Variants in CERT1 observed in about 807,000 individuals in gnomAD.
CERT1 encodes ceramide transfer protein.
A neutral mutation model predicts 87.9 loss-of-function variants in CERT1; 31 were observed. The ratio of observed to expected loss-of-function variants is 0.35; its 90% CI spans 0.27 to 0.48. The LOEUF (loss-of-function observed/expected upper bound fraction) is 0.48, where lower values mean the gene tolerates loss of function less well. CERT1 is among the 20% of genes least tolerant of loss of function. The pLI is 0.99. For missense variants in CERT1, 487 were observed against 758.0 expected (o/e 0.64, Z 4.20); for synonymous variants, 289 against 250.9 (o/e 1.15, Z -1.44).
chr5:75,395,400 T>C (rs1361011580), intron 11 of CERT1, among the ~76,000 whole-genome samples: 1 of 151,124 alleles, frequency 6.6e-6, no homozygotes, highest in Admixed American at 6.6e-5. Flanking sequence ...AAACAATTAG[T>C]TGGGTGTGGT....
chr5:75,425,426 G>A lies in CERT1; in HGVS notation c.530C>T (p.Thr177Met), dbSNP rs1174637315. ...FRDILCRQVD[T>M]LQKYFDACAD... Reference sequence around the variant, plus strand: ...ACAGGCATCAAAGTACTTCTGTAGCGTGTCAACTTGTCTACATAAGATGTC... The same window carrying A: ...ACAGGCATCAAAGTACTTCTGTAGCATGTCAACTTGTCTACATAAGATGTC... Residue 177 changes from threonine to methionine, a missense_variant, in exon 5 of 17, where the codon ACG (threonine) becomes ATG (methionine). Transcript: ENST00000643780. The A allele has an allele frequency of 1.7e-5, 27 of 1,613,436 alleles. No homozygotes were observed. Among genetic ancestry groups the A allele is most frequent in the East Asian group, 2.2e-5 (1 of 44,880 alleles).
chr5:75,465,776 A>C (rs1201301360), intron 2 of CERT1, among the ~76,000 whole-genome samples: 1 of 152,184 alleles, frequency 6.6e-6, no homozygotes, highest in East Asian at 1.9e-4. Flanking sequence ...TCAGAAGAAA[A>C]ACTTCCTGTC....
At chr5:75,452,840 T>G (rs1190424017) in intron 3 of CERT1, among the ~76,000 whole-genome samples, 6 of 152,304 alleles carry the variant, frequency 3.9e-5, no homozygotes, top group South Asian at 2.1e-4. Flanking sequence ...CAAAACCCTA[T>G]CTTTAAAAAT....
downstream of CERT1, chr5:75,374,858 TA>T (rs946277050): frequency 2.4e-4 from 109 of 446,678 alleles, no homozygotes; most frequent in African/African-American, 2.0e-3. Context: ...TGGAGAAAAA[TA>T]AAATGGAAAT....
chr5:75,453,825 T>TGA (rs34231077), intron 3 of CERT1, among the ~76,000 whole-genome samples: 7 of 150,310 alleles, frequency 4.7e-5, no homozygotes, highest in Admixed American at 3.3e-4. Context: ...TGTATGTATG[T>TGA]GAGAGAGAGA....
intron 2 of CERT1, among the ~76,000 whole-genome samples, chr5:75,462,531 C>T (rs779328880): frequency 3.9e-5 from 6 of 152,156 alleles, no homozygotes; most frequent in Non-Finnish European, 8.8e-5. Flanking sequence ...TGGTTCCTAA[C>T]AGGCCATGGA....
chr5:75,464,704 T>C (rs992501156), intron 2 of CERT1, among the ~76,000 whole-genome samples: 4 of 152,128 alleles, frequency 2.6e-5, no homozygotes, highest in Non-Finnish European at 4.4e-5. Context: ...GCCTCTGGAG[T>C]AGCTGAGACC....
At chr5:75,466,233 T>C (rs1327440819) in intron 2 of CERT1, among the ~76,000 whole-genome samples, 3 of 152,102 alleles carry the variant, frequency 2.0e-5, no homozygotes, top group Non-Finnish European at 1.5e-5. Flanking sequence ...TAGAAGGAAC[T>C]TGCACCTTGC....
At chr5:75,499,300 G>C (rs1349711314) in intron 2 of CERT1, among the ~76,000 whole-genome samples, 2 of 152,162 alleles carry the variant, frequency 1.3e-5, no homozygotes, top group Non-Finnish European at 2.9e-5. Context: ...ATGAGATTTG[G>C]GAGGGGCCAG....
chr5:75,474,489 C>T (rs190646616), intron 2 of CERT1, among the ~76,000 whole-genome samples: 104 of 152,170 alleles, frequency 6.8e-4, no homozygotes, highest in African/African-American at 2.4e-3. Context: ...GATCTGTTCT[C>T]TTAGTATATC....
At position 75,488,344 on chromosome 5, in the gene CERT1, T is replaced by A. The variant is rs186475180; in HGVS notation, c.231+17638A>T. 2.2e-3 allele frequency among the ~76,000 whole-genome samples: 337 copies of A among 152,034 alleles called. 1 individual carries two copies. The East Asian group carries it at 0.029, about 13-fold the overall frequency. ...TACTATGTACTCATAATATTTTTTT[T>A]AAAAAAATGAATTCTTGCCAATTCA... On this transcript the variant is annotated intron_variant, in intron 2 of 16. Transcript: ENST00000643780.
At chr5:75,393,194 A>C (rs565977872) in intron 11 of CERT1, among the ~76,000 whole-genome samples, 1 of 152,146 alleles carries the variant, frequency 6.6e-6, no homozygotes, top group South Asian at 2.1e-4. Flanking sequence ...AGTGTTTCTA[A>C]GTTTTAATTA....
intron 3 of CERT1, among the ~76,000 whole-genome samples, chr5:75,458,779 ACCTCAGCTGATCCACCTG>A (rs1460993089): frequency 6.6e-6 from 1 of 152,124 alleles, no homozygotes; most frequent in Non-Finnish European, 1.5e-5. Context: ...ATTGCTCCTG[ACCTCAGCTGATCCACCTG>A]CCTCGGCCTC....
At chr5:75,493,727 TTATTA>T (rs1261651226) in intron 2 of CERT1, among the ~76,000 whole-genome samples, 1 of 152,214 alleles carries the variant, frequency 6.6e-6, no homozygotes, top group African/African-American at 2.4e-5. Flanking sequence ...AATTTTTCTT[TTATTA>T]TTTCATTGAT....
chr5:75,497,193 T>C (rs1027329660), intron 2 of CERT1, among the ~76,000 whole-genome samples: 3 of 152,194 alleles, frequency 2.0e-5, no homozygotes, highest in Non-Finnish European at 2.9e-5. Context: ...ATCCCGGCTC[T>C]AGTGAGTCAA....
rs149033691 is a variant in CERT1, at chr5:75,381,942, T to C, written c.1617+7A>G. 2 of 1,610,824 alleles carry C rather than the reference T, an allele frequency of 1.2e-6. No individual in the cohort carries two copies. Among genetic ancestry groups the C allele is most frequent in the East Asian group, 4.5e-5 (2 of 44,806 alleles). ...TTAATTATACACATTTATATACATG[T>C]ACTTACAGGAGCACTGTCATGATCC... On this transcript the variant is annotated splice_region_variant and intron_variant, in intron 15 of 16. Coordinates refer to ENST00000643780, the MANE Select transcript of CERT1 (RefSeq NM_001379029.1).
chr5:75,451,993 C>G (rs1035987171), intron 3 of CERT1, among the ~76,000 whole-genome samples: 3 of 152,150 alleles, frequency 2.0e-5, no homozygotes, highest in African/African-American at 7.2e-5. Context: ...TTTTTTCACA[C>G]TTCATTTTAT....
intron 3 of CERT1, among the ~76,000 whole-genome samples, chr5:75,435,467 C>T (rs1278382272): frequency 2.0e-5 from 3 of 152,148 alleles, no homozygotes; most frequent in Non-Finnish European, 4.4e-5. Flanking sequence ...TGCTGGGGAG[C>T]TAGGTGGTAA....
chr5:75,488,853 C>T (rs1448311851), intron 2 of CERT1, among the ~76,000 whole-genome samples: 1 of 152,174 alleles, frequency 6.6e-6, no homozygotes, highest in African/African-American at 2.4e-5. Context: ...CCTCCAGCCT[C>T]TTTCTCTATT....
Sources: allele counts gnomAD v4.1 joint callset (sites outside exome capture counted in the v4.1 genomes callset), GRCh38; gene constraint gnomAD v4.1.1; transcripts MANE v1.5; gene names NCBI Gene and HGNC (gene_info 2026-07-23, HGNC 2026-07-21).